SLIT3: variants seen among roughly 807,000 people sequenced by gnomAD.
The protein encoded by SLIT3 is slit guidance ligand 3.
In SLIT3, 68 loss-of-function variants were observed where a neutral mutation model predicts 184.0. The ratio of observed to expected loss-of-function variants is 0.37; its 90% CI spans 0.30 to 0.45. The LOEUF is 0.45. Ranked by LOEUF, SLIT3 falls within the 20% of genes least tolerant of loss-of-function variation. The pLI is 1.00. For synonymous variants in SLIT3, 831 were observed against 828.6 expected, an observed-to-expected ratio of 1.00 and a Z score of -0.05; for missense variants, 1,707 against 2,026.0, an observed-to-expected ratio of 0.84 and a Z score of 3.02.
At chr5:169,114,558 C>T (rs1349719894) in intron 4 of SLIT3, among the ~76,000 whole-genome samples, 1 of 152,194 alleles carries the variant, frequency 6.6e-6, no homozygotes, top group East Asian at 1.9e-4. Context: ...AGTGGGAGTC[C>T]ATGAAGCTGA....
chr5:168,890,034 T>C (rs1760386050), intron 4 of SLIT3, among the ~76,000 whole-genome samples: 1 of 150,128 alleles, frequency 6.7e-6, no homozygotes, highest in Non-Finnish European at 1.5e-5. Context: ...TCCCAGCTAC[T>C]GAGGCTAAGG....
chr5:168,929,879 G>A (rs760412194), intron 4 of SLIT3, among the ~76,000 whole-genome samples: 1 of 152,248 alleles, frequency 6.6e-6, no homozygotes, highest in Non-Finnish European at 1.5e-5. Context: ...TTTCCCCAAA[G>A]TCAGGCTCCA....
At chr5:169,293,284 T>C (rs1767410151) in intron 1 of SLIT3, among the ~76,000 whole-genome samples, 1 of 152,118 alleles carries the variant, frequency 6.6e-6, no homozygotes, top group African/African-American at 2.4e-5. Context: ...TTGTGGTTTT[T>C]TTAATGGAAT....
At chr5:169,098,962 A>T (rs73802480) in intron 4 of SLIT3, among the ~76,000 whole-genome samples, 1,671 of 152,166 alleles carry the variant, frequency 0.011, 44 homozygotes, top group African/African-American at 0.038. Flanking sequence ...ATCCCAGGTC[A>T]GATCTCAGAT....
chr5:169,232,911 A>C (rs1765057014), intron 3 of SLIT3, among the ~76,000 whole-genome samples: 1 of 152,220 alleles, frequency 6.6e-6, no homozygotes. Flanking sequence ...CATGAACACC[A>C]TGCAGCACTC....
rs537383528 is a variant in SLIT3 at position 169,146,395 on chromosome 5, A to C, written c.413+47084T>G. ...GCGGTTTTCTCTTTCAAACGAGGGAATCTACTGCCCTGACGGAGCCTGATG... is the reference window on the plus strand; with the variant it reads ...GCGGTTTTCTCTTTCAAACGAGGGACTCTACTGCCCTGACGGAGCCTGATG... On this transcript the variant is annotated intron_variant, in intron 4 of 35. Transcript: ENST00000519560. Among the ~76,000 whole-genome samples the C allele has an allele frequency of 2.0e-5, 3 of 152,278 alleles. No individual in the cohort carries two copies. The East Asian group carries it at 5.8e-4, about 29-fold the overall frequency.
chr5:169,291,584 T>G (rs1767364212), intron 1 of SLIT3, among the ~76,000 whole-genome samples: 1 of 152,198 alleles, frequency 6.6e-6, no homozygotes. Flanking sequence ...GGCCACCTAT[T>G]TCCCCAAATT....
chr5:169,133,485 G>T (rs1426772046), intron 4 of SLIT3, among the ~76,000 whole-genome samples: 1 of 152,190 alleles, frequency 6.6e-6, no homozygotes, highest in Non-Finnish European at 1.5e-5. Context: ...GAAGGGCACT[G>T]GTTACAAGAG....
At chr5:168,860,437 G>T (rs1042745953) in intron 5 of SLIT3, among the ~76,000 whole-genome samples, 1 of 152,070 alleles carries the variant, frequency 6.6e-6, no homozygotes, top group Non-Finnish European at 1.5e-5. Flanking sequence ...GGCCTAATGG[G>T]GAGGGATTGA....
chr5:169,127,474 A>G lies in SLIT3; in HGVS notation c.413+66005T>C, dbSNP rs1186899455. ...TTTTCAAATAGAATGTGGAGTGGTC[A>G]TCTTTGTCTAAAATCGGAGCAACTT... On this transcript the variant is annotated intron_variant, in intron 4 of 35. Transcript: ENST00000519560. Among the ~76,000 whole-genome samples, 3 of 152,372 alleles carry G rather than the reference A, an allele frequency of 2.0e-5. No homozygotes were observed. The East Asian group carries it at 5.8e-4, about 29-fold the overall frequency.
chr5:168,966,126 T>C (rs73312247), intron 4 of SLIT3, among the ~76,000 whole-genome samples: 3,460 of 152,272 alleles, frequency 0.023, 145 homozygotes, highest in African/African-American at 0.079. Flanking sequence ...AGCAAGAGTT[T>C]TGTGCCAGAT....
In SLIT3 at chr5:169,082,182, G is replaced by A. The variant is rs12186836; in HGVS notation, c.413+111297C>T. Among the ~76,000 whole-genome samples, 4 of 152,304 alleles carry A rather than the reference G, an allele frequency of 2.6e-5. No homozygotes were observed. The East Asian group carries it at 5.8e-4, about 22-fold the overall frequency. On this transcript the variant is annotated intron_variant, in intron 4 of 35. Coordinates refer to ENST00000519560, the MANE Select transcript of SLIT3 (RefSeq NM_003062.4). ...ATGCCAGCAATACAATCCTCGAGTA[G>A]AAGCCATGTGGAAGCCACGCCAAAC...
At chr5:168,850,497 G>A (rs1281756981) in intron 5 of SLIT3, among the ~76,000 whole-genome samples, 1 of 152,178 alleles carries the variant, frequency 6.6e-6, no homozygotes, top group Non-Finnish European at 1.5e-5. Context: ...TAAAGCAATT[G>A]TTGACCTCTG....
chr5:169,131,354 C>T (rs566918905), intron 4 of SLIT3, among the ~76,000 whole-genome samples: 1 of 152,106 alleles, frequency 6.6e-6, no homozygotes, highest in African/African-American at 2.4e-5. Flanking sequence ...GTTCTCAGGC[C>T]CCAGCCAGAC....
At chr5:168,856,809 G>A (rs868283980) in intron 5 of SLIT3, among the ~76,000 whole-genome samples, 21 of 145,412 alleles carry the variant, frequency 1.4e-4, no homozygotes, top group Non-Finnish European at 2.3e-4. Flanking sequence ...GTGTGTGTGC[G>A]CGCGCGCGCA....
At chr5:168,872,420 T>C (rs7709649) in intron 5 of SLIT3, among the ~76,000 whole-genome samples, 23,946 of 152,096 alleles carry the variant, frequency 0.16, 2,089 homozygotes, top group African/African-American at 0.24. Flanking sequence ...TGTATCAATA[T>C]TGGCTCAGCA....
At chr5:168,843,189 C>T (rs2062436649) in intron 6 of SLIT3, among the ~76,000 whole-genome samples, 1 of 152,134 alleles carries the variant, frequency 6.6e-6, no homozygotes, top group South Asian at 2.1e-4. Flanking sequence ...GCATCAGCAT[C>T]CCCTTTTATT....
intron 4 of SLIT3, 150 bp from the exon 5 acceptor site, chr5:168,883,486 A>C (rs1369066388): frequency 8.0e-6 from 5 of 622,272 alleles, no homozygotes; most frequent in Non-Finnish European, 1.4e-5. Flanking sequence ...CCAGGCTGCT[A>C]CAAGCATTCA....
chr5:169,051,469 T>C (rs1207134811), intron 4 of SLIT3, among the ~76,000 whole-genome samples: 1 of 152,124 alleles, frequency 6.6e-6, no homozygotes, highest in Non-Finnish European at 1.5e-5. Flanking sequence ...CCAGAGGAGA[T>C]GTCAATCATG....
Sources: gnomAD v4.1 joint callset for allele counts (sites outside exome capture counted in the v4.1 genomes callset) on GRCh38, gnomAD v4.1.1 for gene constraint, MANE v1.5 for transcripts, NCBI Gene and HGNC (gene_info 2026-07-23, HGNC 2026-07-21) for gene names.